Variants in TMTC1 observed in about 807,000 individuals in gnomAD.
The protein encoded by TMTC1 is protein O-mannosyl-transferase TMTC1.
TMTC1 carries 73 observed loss-of-function variants against 104.8 expected under a neutral mutation model. The observed-to-expected ratio is 0.70, with a 90% confidence interval of 0.58 to 0.85. The LOEUF (loss-of-function observed/expected upper bound fraction) is 0.85. Among genes scored for constraint, TMTC1 ranks in the 40% least tolerant of loss-of-function variants. The pLI, the probability that TMTC1 is intolerant of heterozygous loss-of-function variation, is 0.00. For missense variants in TMTC1, 1,035 were observed against 1,096.1 expected, an observed-to-expected ratio of 0.94 and a Z score of 0.79; for synonymous variants, 434 against 428.7, an observed-to-expected ratio of 1.01 and a Z score of -0.15.
chr12:29,535,975 G>A, intron 11 of TMTC1: 1 of 494,526 alleles, frequency 2.0e-6, no homozygotes, highest in Non-Finnish European at 3.5e-6. Context: ...CAAAGTGAGA[G>A]AGAATATATC....
chr12:29,590,474 G>A (rs1344213001), intron 7 of TMTC1, among the ~76,000 whole-genome samples: 1 of 152,080 alleles, frequency 6.6e-6, no homozygotes, highest in Non-Finnish European at 1.5e-5. Flanking sequence ...CCCACTCCCT[G>A]TCCCCCCTTT....
rs202032585 is a variant in TMTC1 at position 29,500,952 on chromosome 12, A to AG, written c.*5893_*5894insC. The AG allele has an allele frequency of 0.038, 5,736 of 152,728 alleles. 214 individuals carry two copies. Among genetic ancestry groups the AG allele is most frequent in the East Asian group, 0.18 (909 of 5,170 alleles). 9.5% of individuals were successfully genotyped at this position (152,728 alleles called of 1,614,324 possible). ...ATGGGAGAAATACTTTATGGAAGAT[A>AG]AATTCTAACGGGCACAGCCAAAGTA... On this transcript the variant is annotated 3_prime_UTR_variant, in exon 18 of 18. Transcript: ENST00000539277.
chr12:29,635,323 A>G (rs899930830), intron 5 of TMTC1, among the ~76,000 whole-genome samples: 1 of 152,160 alleles, frequency 6.6e-6, no homozygotes, highest in Admixed American at 6.5e-5. Flanking sequence ...GGCTGATGCC[A>G]TCTACCTTTC....
At chr12:29,762,064 AGC>A (rs1943363473) in intron 2 of TMTC1, among the ~76,000 whole-genome samples, 2 of 152,166 alleles carry the variant, frequency 1.3e-5, no homozygotes, top group Admixed American at 6.6e-5. Context: ...CTGTGGTCCC[AGC>A]TACTCGGGAG....
At position 29,701,840 on chromosome 12, in the gene TMTC1, C is replaced by G. The variant is rs562210625; in HGVS notation, c.938+49826G>C. ...ATTCATCATGTCAATAATTTCAGGA[C>G]AAGAAAAGGCCTAAGTTTTCTTAAG... is the stretch of plus-strand genomic sequence containing the variant. On this transcript the variant is annotated intron_variant, in intron 5 of 17. Transcript: ENST00000539277. Among the ~76,000 whole-genome samples the G allele has an allele frequency of 1.7e-3, 252 of 152,132 alleles. 2 individuals carry two copies. The highest frequency in any genetic ancestry group is 5.7e-3 in the African/African-American group (235 of 41,494).
At chr12:29,751,935 A>T in intron 4 of TMTC1, 63 bp from the exon 5 acceptor site, 1 of 1,439,012 alleles carries the variant, frequency 6.9e-7, no homozygotes. Flanking sequence ...ACAACAACCG[A>T]TAGCAGTAAA....
At chr12:29,601,570 GA>G (rs1946565741) in intron 7 of TMTC1, among the ~76,000 whole-genome samples, 1 of 151,452 alleles carries the variant, frequency 6.6e-6, no homozygotes, top group South Asian at 2.1e-4. Context: ...TAATTGAGAA[GA>G]ATACTAAGAT....
intron 11 of TMTC1, among the ~76,000 whole-genome samples, chr12:29,521,566 CTT>C (rs3036151): frequency 3.3e-4 from 30 of 89,622 alleles, no homozygotes; most frequent in Admixed American, 8.0e-4. Flanking sequence ...TTCTTTCTTT[CTT>C]TTTTTTTTTT....
chr12:29,635,925 T>C (rs1301848852), intron 5 of TMTC1, among the ~76,000 whole-genome samples: 2 of 152,206 alleles, frequency 1.3e-5, no homozygotes, highest in Non-Finnish European at 2.9e-5. Context: ...CAGATTTTGT[T>C]TGGATGCTAA....
At chr12:29,617,349 G>T (rs768870944) in intron 6 of TMTC1, among the ~76,000 whole-genome samples, 1 of 151,996 alleles carries the variant, frequency 6.6e-6, no homozygotes, top group Admixed American at 6.6e-5. Context: ...GAAAAACCTG[G>T]TCATTGATTA....
chr12:29,510,554 G>C (rs13377890), intron 17 of TMTC1, among the ~76,000 whole-genome samples: 5,948 of 152,180 alleles, frequency 0.039, 376 homozygotes, highest in African/African-American at 0.13. Context: ...TATCGTGCTT[G>C]AATTCACCAC....
rs567541271 is a variant in TMTC1, at chr12:29,618,948, T to C, written c.1128+14199A>G. Among the ~76,000 whole-genome samples the C allele has an allele frequency of 2.6e-5, 4 of 152,346 alleles. No individual in the cohort carries two copies. The South Asian group carries it at 8.3e-4, about 32-fold the overall frequency. On this transcript the variant is annotated intron_variant, in intron 6 of 17. Transcript: ENST00000539277. ...CTGCTAAGTGTTAATGAGCTGTTTTTATGAAAATATGAATCATTATGAGAA... is the reference window on the plus strand; with the variant it reads ...CTGCTAAGTGTTAATGAGCTGTTTTCATGAAAATATGAATCATTATGAGAA...
chr12:29,737,788 C>CCTTG, intron 5 of TMTC1, among the ~76,000 whole-genome samples: 1 of 152,264 alleles, frequency 6.6e-6, no homozygotes, highest in East Asian at 1.9e-4. Context: ...GCTCCCGGAG[C>CCTTG]CTTGCTTTCC....
intron 7 of TMTC1, among the ~76,000 whole-genome samples, chr12:29,590,312 T>C (rs138427283): frequency 9.8e-5 from 15 of 152,342 alleles, no homozygotes; most frequent in African/African-American, 3.6e-4. Context: ...TTGAAACTGA[T>C]TGTTATTGCC....
At chr12:29,521,295 T>G (rs1244735957) in intron 11 of TMTC1, among the ~76,000 whole-genome samples, 1 of 152,196 alleles carries the variant, frequency 6.6e-6, no homozygotes, top group African/African-American at 2.4e-5. Context: ...CTTTCATTAC[T>G]TGAAGTATGT....
At chr12:29,711,000 C>T (rs182409918) in intron 5 of TMTC1, among the ~76,000 whole-genome samples, 1 of 142,952 alleles carries the variant, frequency 7.0e-6, no homozygotes, top group Admixed American at 7.2e-5. Flanking sequence ...TTTTCCCCCT[C>T]AGAGCAGGGT....
intron 5 of TMTC1, among the ~76,000 whole-genome samples, chr12:29,659,081 C>T (rs1939891171): frequency 6.6e-6 from 1 of 152,170 alleles, no homozygotes; most frequent in Non-Finnish European, 1.5e-5. Context: ...AACTGTTGTT[C>T]ATTTCTATTT....
intron 1 of TMTC1, 68 bp from the exon 2 acceptor site, chr12:29,768,143 A>ACAACATAAAT: frequency 9.4e-7 from 1 of 1,064,312 alleles, no homozygotes; most frequent in South Asian, 1.7e-5. Context: ...CAAGGAACAC[A>ACAACATAAAT]GACGGAATCC....
Position 29,504,506 on chromosome 12 carries a change from T to C in TMTC1, c.*2340A>G, listed in dbSNP as rs930574244. 3.3e-5 allele frequency: 5 copies of C among 152,170 alleles called. No individual in the cohort carries two copies. The highest frequency in any genetic ancestry group is 7.4e-5 in the Non-Finnish European group (5 of 68,022). 9.4% of individuals were successfully genotyped at this position (152,170 alleles called of 1,614,324 possible). The stretch of plus-strand genomic sequence containing the variant: ...AGTATCTGATCCAACAAATAATTAC[T>C]TTTTTAAAAAACAGTGCTTACTTTT... On this transcript the variant is annotated 3_prime_UTR_variant, in exon 18 of 18. Transcript: ENST00000539277.
Sources: allele counts gnomAD v4.1 joint callset (sites outside exome capture counted in the v4.1 genomes callset), GRCh38; gene constraint gnomAD v4.1.1; transcripts MANE v1.5; gene names NCBI Gene and HGNC (gene_info 2026-07-23, HGNC 2026-07-21).